Variants in NCKAP5 observed in about 807,000 individuals in gnomAD.
NCKAP5 encodes the protein nck-associated protein 5.
In NCKAP5, 92 loss-of-function variants were observed where a neutral mutation model predicts 167.0. The observed-to-expected ratio is 0.55, with a 90% CI of 0.47 to 0.66. The LOEUF is 0.66. Among genes scored for constraint, NCKAP5 ranks in the 30% least tolerant of loss-of-function variants. The pLI is 0.00. For missense variants in NCKAP5, 2,378 were observed against 2,315.0 expected (o/e 1.03, Z -0.56); for synonymous variants, 891 against 877.4 (o/e 1.02, Z -0.27).
At chr2:133,550,843 A>G (rs1687230171) in intron 2 of NCKAP5, among the ~76,000 whole-genome samples, 1 of 142,972 alleles carries the variant, frequency 7.0e-6, no homozygotes, top group Non-Finnish European at 1.5e-5. Context: ...GTATATCTAG[A>G]AAACCCCATT....
intron 11 of NCKAP5, among the ~76,000 whole-genome samples, chr2:132,826,730 G>A (rs926168391): frequency 3.3e-5 from 5 of 152,152 alleles, no homozygotes; most frequent in Non-Finnish European, 7.4e-5. Context: ...TGCCTCCCAT[G>A]CCTAGGTAAA....
chr2:133,031,812 G>A (rs548441083), intron 6 of NCKAP5, among the ~76,000 whole-genome samples: 5 of 152,192 alleles, frequency 3.3e-5, no homozygotes, highest in African/African-American at 1.2e-4. Context: ...GAGTCATGAG[G>A]CCCCACTTCA....
At chr2:133,271,403 C>G (rs1488231577) in intron 4 of NCKAP5, among the ~76,000 whole-genome samples, 1 of 152,128 alleles carries the variant, frequency 6.6e-6, no homozygotes, top group Non-Finnish European at 1.5e-5. Context: ...AGGGAGAAAT[C>G]ACCTGACATG....
At chr2:132,908,999 T>C (rs75380731) in intron 8 of NCKAP5, among the ~76,000 whole-genome samples, 1 of 152,200 alleles carries the variant, frequency 6.6e-6, no homozygotes, top group Admixed American at 6.5e-5. Flanking sequence ...GAAATCTTGG[T>C]GTGATCAACT....
intron 6 of NCKAP5, among the ~76,000 whole-genome samples, chr2:133,054,018 T>C (rs2079701785): frequency 6.6e-6 from 1 of 152,214 alleles, no homozygotes; most frequent in African/African-American, 2.4e-5. Context: ...GTATGATGGA[T>C]GAAGCCAGCC....
chr2:133,166,120 A>G (rs1239697786), intron 5 of NCKAP5, among the ~76,000 whole-genome samples: 1 of 152,204 alleles, frequency 6.6e-6, no homozygotes, highest in African/African-American at 2.4e-5. Context: ...GAGAAAGTCT[A>G]TCAGAATAGG....
intron 16 of NCKAP5, among the ~76,000 whole-genome samples, chr2:132,753,509 GTC>G (rs1680284917): frequency 6.6e-6 from 1 of 152,194 alleles, no homozygotes; most frequent in South Asian, 2.1e-4. Context: ...AAAGTAGCTT[GTC>G]TAGGGTCATA....
intron 3 of NCKAP5, among the ~76,000 whole-genome samples, chr2:133,447,611 G>T (rs1574972064): frequency 8.8e-6 from 1 of 113,440 alleles, no homozygotes; most frequent in East Asian, 2.6e-4. Context: ...TTCCCCTTCT[G>T]TTCCCTTCCT....
chr2:132,673,194 C>G lies in NCKAP5; in HGVS notation c.*95G>C, dbSNP rs1683961327. On this transcript the variant is annotated 3_prime_UTR_variant, in exon 20 of 20. Coordinates refer to ENST00000409261, the MANE Select transcript of NCKAP5 (RefSeq NM_207363.3). Reference sequence around the variant, plus strand: ...TCAACCTTGTTCAGAGAGTTCTTCTCTTTTTCTAATAAAATCACAGTATTG... The same window carrying G: ...TCAACCTTGTTCAGAGAGTTCTTCTGTTTTTCTAATAAAATCACAGTATTG... The G allele has an allele frequency of 1.4e-6, 2 of 1,418,372 alleles. No homozygotes were observed. Among genetic ancestry groups the G allele is most frequent in the Non-Finnish European group, 1.8e-6 (2 of 1,088,550 alleles). 87.9% of individuals were successfully genotyped at this position (1,418,372 alleles called of 1,614,324 possible).
chr2:133,247,188 G>T (rs1407939739), intron 4 of NCKAP5, among the ~76,000 whole-genome samples: 1 of 152,116 alleles, frequency 6.6e-6, no homozygotes, highest in Non-Finnish European at 1.5e-5. Flanking sequence ...GCAATTTGGG[G>T]CAGAACTGTG....
intron 19 of NCKAP5, among the ~76,000 whole-genome samples, chr2:132,696,392 G>A (rs1477308042): frequency 6.6e-6 from 1 of 152,206 alleles, no homozygotes; most frequent in Non-Finnish European, 1.5e-5. Flanking sequence ...TGGAGAGAGT[G>A]ATTAGACTAC....
intron 8 of NCKAP5, among the ~76,000 whole-genome samples, chr2:132,933,912 C>T (rs534903062): frequency 2.0e-5 from 3 of 152,222 alleles, no homozygotes; most frequent in Admixed American, 6.5e-5. Context: ...ACACAATCCC[C>T]GAAGAGCAGG....
At chr2:133,217,691 C>A (rs2150189329) in intron 4 of NCKAP5, among the ~76,000 whole-genome samples, 1 of 152,060 alleles carries the variant, frequency 6.6e-6, no homozygotes, top group East Asian at 1.9e-4. Flanking sequence ...ACTAAGGCCC[C>A]TTAGTAGGAA....
intron 3 of NCKAP5, among the ~76,000 whole-genome samples, chr2:133,320,713 CAAAT>C (rs994954756): frequency 5.3e-5 from 8 of 151,658 alleles, no homozygotes; most frequent in African/African-American, 4.9e-5. Context: ...GACTCTGTCT[CAAAT>C]AAACAACAAA....
chr2:133,045,716 A>G (rs1415852134), intron 6 of NCKAP5, among the ~76,000 whole-genome samples: 1 of 152,226 alleles, frequency 6.6e-6, no homozygotes, highest in Non-Finnish European at 1.5e-5. Flanking sequence ...ATAATTAATA[A>G]TAAACTAGAA....
chr2:133,512,884 C>A (rs1432286), intron 3 of NCKAP5, among the ~76,000 whole-genome samples: 88,650 of 151,846 alleles, frequency 0.58, 27,485 homozygotes, highest in East Asian at 0.91. Context: ...CTCCAACTAC[C>A]GCTTCCCCAT....
chr2:133,131,626 C>A (rs2082604950), intron 5 of NCKAP5, among the ~76,000 whole-genome samples: 1 of 152,048 alleles, frequency 6.6e-6, no homozygotes, highest in South Asian at 2.1e-4. Flanking sequence ...ACTTTTAACT[C>A]CCATAATCAG....
intron 3 of NCKAP5, among the ~76,000 whole-genome samples, chr2:133,512,766 A>G (rs1683606134): frequency 6.6e-6 from 1 of 152,190 alleles, no homozygotes; most frequent in African/African-American, 2.4e-5. Context: ...TGCAGGACCA[A>G]TATCCTTGGG....
intron 4 of NCKAP5, among the ~76,000 whole-genome samples, chr2:133,234,475 T>C (rs1299847189): frequency 6.6e-6 from 1 of 152,170 alleles, no homozygotes; most frequent in African/African-American, 2.4e-5. Flanking sequence ...ATACGGCAGA[T>C]CTAGGTCTCC....
Sources: allele counts gnomAD v4.1 joint callset (sites outside exome capture counted in the v4.1 genomes callset), GRCh38; gene constraint gnomAD v4.1.1; transcripts MANE v1.5; gene names NCBI Gene and HGNC (gene_info 2026-07-23, HGNC 2026-07-21).